ARHGAP32: variants seen among roughly 807,000 people sequenced by gnomAD.
ARHGAP32 encodes Rho GTPase activating protein 32.
In ARHGAP32, 51 loss-of-function variants were observed where a neutral mutation model predicts 186.5. The ratio of observed to expected loss-of-function variants is 0.27; its 90% CI spans 0.22 to 0.35. ARHGAP32 has a LOEUF of 0.35. Among genes scored for constraint, ARHGAP32 ranks in the 10% least tolerant of loss-of-function variants. The pLI is 1.00. For synonymous variants in ARHGAP32, 950 were observed against 964.3 expected (o/e 0.99, Z 0.27); for missense variants, 2,186 against 2,623.5 (o/e 0.83, Z 3.64).
intron 1 of ARHGAP32, among the ~76,000 whole-genome samples, chr11:129,221,274 C>T (rs1260395023): frequency 6.6e-6 from 1 of 152,028 alleles, no homozygotes; most frequent in Non-Finnish European, 1.5e-5. Flanking sequence ...AATAAGATAA[C>T]CACCATATCC....
chr11:129,116,729 A>C (rs967701700), intron 5 of ARHGAP32, among the ~76,000 whole-genome samples: 30 of 152,028 alleles, frequency 2.0e-4, no homozygotes, highest in African/African-American at 6.0e-4. Context: ...GGCTTAACTG[A>C]TAGGAAGTAC....
At chr11:129,066,891 C>A in intron 6 of ARHGAP32, 23 bp from the exon 7 acceptor site, 1 of 1,565,132 alleles carries the variant, frequency 6.4e-7, no homozygotes, top group Non-Finnish European at 8.7e-7. Flanking sequence ...AAAAGAAACT[C>A]ATATAATTCA....
chr11:129,022,200 G>A (rs745876795), intron 11 of ARHGAP32, among the ~76,000 whole-genome samples: 2 of 152,008 alleles, frequency 1.3e-5, no homozygotes, highest in African/African-American at 4.8e-5. Context: ...CTAGAAATTG[G>A]AAAACTTAGA....
intron 2 of ARHGAP32, among the ~76,000 whole-genome samples, chr11:129,154,508 A>C (rs963974472): frequency 3.9e-5 from 6 of 152,206 alleles, no homozygotes; most frequent in Non-Finnish European, 8.8e-5. Flanking sequence ...CAAGTGGATA[A>C]AGAAAATGTG....
Position 128,965,581 on chromosome 11 carries a change from C to T in ARHGAP32, c.*3326G>A, listed in dbSNP as rs1035789514. Reference sequence around the variant, plus strand: ...GTGCACACTGACATTATCTTGCACACGTTATAATACACCATTCCTGACATT... The same window carrying T: ...GTGCACACTGACATTATCTTGCACATGTTATAATACACCATTCCTGACATT... On this transcript the variant is annotated 3_prime_UTR_variant, in exon 23 of 23. Coordinates refer to ENST00000682385, the MANE Select transcript of ARHGAP32 (RefSeq NM_001378024.1). 3.9e-5 allele frequency: 6 copies of T among 152,198 alleles called. No individual in the cohort carries two copies. Among genetic ancestry groups the T allele is most frequent in the African/African-American group, 9.7e-5 (4 of 41,444 alleles). The allele number at this position is 152,198 out of a possible 1,614,324, so 9.4% of individuals were successfully genotyped here.
intron 12 of ARHGAP32, among the ~76,000 whole-genome samples, chr11:128,988,927 A>G (rs1945957380): frequency 6.6e-6 from 1 of 152,200 alleles, no homozygotes; most frequent in African/African-American, 2.4e-5. Context: ...TTGTTTTGCA[A>G]TGCAGATTGA....
intron 5 of ARHGAP32, among the ~76,000 whole-genome samples, chr11:129,110,129 G>C (rs551694450): frequency 6.6e-6 from 1 of 152,266 alleles, no homozygotes; most frequent in South Asian, 2.1e-4. Context: ...TATGATGAGA[G>C]ATAGGGGTTT....
At chr11:129,101,918 G>T (rs1029569450) in intron 5 of ARHGAP32, among the ~76,000 whole-genome samples, 3 of 152,178 alleles carry the variant, frequency 2.0e-5, no homozygotes, top group African/African-American at 7.2e-5. Flanking sequence ...ATTCTCCAAG[G>T]TCGAAATGAA....
chr11:129,227,453 T>C (rs1331853894), intron 1 of ARHGAP32, among the ~76,000 whole-genome samples: 2 of 141,654 alleles, frequency 1.4e-5, no homozygotes, highest in East Asian at 4.1e-4. Context: ...AATATTCCAA[T>C]TAAACATTAC....
chr11:129,092,240 T>A (rs778320418), intron 6 of ARHGAP32, among the ~76,000 whole-genome samples: 7 of 151,982 alleles, frequency 4.6e-5, no homozygotes, highest in Non-Finnish European at 8.8e-5. Context: ...GATTTTTTTT[T>A]ATTTTTTTCA....
At chr11:129,271,239 C>T (rs893800477) in intron 1 of ARHGAP32, among the ~76,000 whole-genome samples, 8 of 152,074 alleles carry the variant, frequency 5.3e-5, no homozygotes, top group African/African-American at 7.2e-5. Flanking sequence ...GGCAGTTTGC[C>T]AGACGACAAA....
chr11:128,970,641 A>C lies in ARHGAP32; in HGVS notation c.4572T>G (p.His1524Gln). ...CTTGGTGCTGCTCCAATTTATTGTG[A>C]TGGGGAGGTACACTCTGGGGACGGT... ...CQYRPQSVPPHHNKLEQHQVY... is the reference protein window; with the variant it reads ...CQYRPQSVPPQHNKLEQHQVY... The change falls in exon 23 of 23, where the codon CAT becomes CAG. Residue 1524 changes from histidine (H) to glutamine (Q), a missense_variant. Physicochemically the swap from His to Gln is conservative, Grantham distance 24. Transcript: ENST00000682385. This position sits in a 1 kb window ranked among gnomAD's most constrained non-coding sequence, Gnocchi z 5.8. 2 of 1,614,076 alleles carry C rather than the reference A, an allele frequency of 1.2e-6. No individual in the cohort carries two copies. The highest frequency in any genetic ancestry group is 1.7e-6 in the Non-Finnish European group (2 of 1,179,992).
At chr11:128,981,147 G>A (rs757763144) in intron 17 of ARHGAP32, among the ~76,000 whole-genome samples, 3 of 152,172 alleles carry the variant, frequency 2.0e-5, no homozygotes, top group Non-Finnish European at 4.4e-5. Context: ...TTCTTCTTCT[G>A]TTCCACTTTA....
At chr11:129,244,392 T>TTGA (rs1945059495) in intron 1 of ARHGAP32, among the ~76,000 whole-genome samples, 1 of 152,228 alleles carries the variant, frequency 6.6e-6, no homozygotes, top group Non-Finnish European at 1.5e-5. Flanking sequence ...ATTATAACAT[T>TTGA]CAGTCAAATA....
intron 21 of ARHGAP32, chr11:128,973,877 A>T (rs777193966): frequency 1.8e-6 from 1 of 546,818 alleles, no homozygotes; most frequent in Non-Finnish European, 3.2e-6. Flanking sequence ...ATTATCCACG[A>T]ATTCTCACCG....
At chr11:129,060,573 T>C (rs1940460896) in intron 10 of ARHGAP32, among the ~76,000 whole-genome samples, 1 of 152,170 alleles carries the variant, frequency 6.6e-6, no homozygotes, top group Non-Finnish European at 1.5e-5. Context: ...CTATTTAGTT[T>C]TATATTTAAT....
At chr11:129,191,286 T>C (rs1048808378) in intron 1 of ARHGAP32, among the ~76,000 whole-genome samples, 6 of 126,726 alleles carry the variant, frequency 4.7e-5, no homozygotes, top group African/African-American at 1.5e-4. Context: ...CATCAAGAGA[T>C]TTTTGTGATA....
chr11:129,143,563 A>G (rs1333792659), intron 2 of ARHGAP32, among the ~76,000 whole-genome samples: 2 of 152,050 alleles, frequency 1.3e-5, no homozygotes, highest in Non-Finnish European at 2.9e-5. Flanking sequence ...GACCAGACCA[A>G]CTCTCATGGT....
intron 1 of ARHGAP32, chr11:129,202,888 G>A (rs937225328): frequency 5.3e-5 from 8 of 152,234 alleles, no homozygotes; most frequent in African/African-American, 1.2e-4. Flanking sequence ...CTTGTGCAAG[G>A]GGGGGAAAAT....
Sources: allele counts gnomAD v4.1 joint callset (sites outside exome capture counted in the v4.1 genomes callset), GRCh38; gene constraint gnomAD v4.1.1; non-coding constraint Gnocchi (gnomAD v3.1); transcripts MANE v1.5; gene names NCBI Gene and HGNC (gene_info 2026-07-23, HGNC 2026-07-21).